The following PLA2G5 variants were observed in gnomAD, a reference collection of about 807,000 sequenced individuals.
The protein encoded by PLA2G5 is phospholipase A2 group V.
In PLA2G5, 12 loss-of-function variants were observed where a neutral mutation model predicts 15.9. The ratio of observed to expected loss-of-function variants is 0.76; its 90% CI spans 0.48 to 1.23. PLA2G5 has a LOEUF of 1.23. PLA2G5 is among the 50% of genes most tolerant of loss of function. The probability of loss-of-function intolerance (pLI) is 0.00; values close to 1 mark genes in which losing one functional copy is unlikely to be tolerated. For missense variants in PLA2G5, 169 were observed against 177.1 expected, an observed-to-expected ratio of 0.95 and a Z score of 0.26; for synonymous variants, 71 against 71.4, an observed-to-expected ratio of 0.99 and a Z score of 0.03.
intron 1 of PLA2G5, among the ~76,000 whole-genome samples, chr1:20,052,409 C>T (rs2014221088): frequency 1.3e-5 from 2 of 152,166 alleles, no homozygotes; most frequent in Admixed American, 1.3e-4. Context: ...ACAATTCAAA[C>T]TTCAGAAGAA....
intron 1 of PLA2G5, among the ~76,000 whole-genome samples, chr1:20,032,392 C>T (rs1211100626): frequency 6.6e-6 from 1 of 151,606 alleles, no homozygotes; most frequent in African/African-American, 2.4e-5. Context: ...AGTTTCTGTC[C>T]ATCCAGAGAA....
At position 20,043,903 on chromosome 1, in the gene PLA2G5, C is replaced by T. The variant is rs148829975; in HGVS notation, n.276+15194C>T. Reference sequence around the variant, plus strand: ...TGAGAGTTACCTGAAGCTAGGCATGCGTGATGGTCCAGGGGGCTTTCGAGG... The same window carrying T: ...TGAGAGTTACCTGAAGCTAGGCATGTGTGATGGTCCAGGGGGCTTTCGAGG... On this transcript the variant is annotated intron_variant and non_coding_transcript_variant, in intron 1 of 6. Coordinates refer to the PLA2G5 transcript ENST00000460175. Among the ~76,000 whole-genome samples, 17 of 152,234 alleles carry T rather than the reference C, an allele frequency of 1.1e-4. No homozygotes were observed. The East Asian group carries it at 1.2e-3, about 10-fold the overall frequency.
chr1:20,052,841 C>T (rs942860231), intron 1 of PLA2G5, among the ~76,000 whole-genome samples: 2 of 152,176 alleles, frequency 1.3e-5, no homozygotes, highest in Non-Finnish European at 2.9e-5. Context: ...CCCCTGCCCA[C>T]TAAGATAAAT....
chr1:20,056,680 T>A (rs1048057615), intron 1 of PLA2G5, among the ~76,000 whole-genome samples: 3 of 152,176 alleles, frequency 2.0e-5, no homozygotes, highest in Non-Finnish European at 4.4e-5. Context: ...AATTTTCCTT[T>A]CTTATAATAT....
chr1:20,060,183 T>G (rs1331816127), intron 2 of PLA2G5, among the ~76,000 whole-genome samples: 2 of 151,410 alleles, frequency 1.3e-5, no homozygotes, highest in Non-Finnish European at 2.9e-5. Flanking sequence ...CTTTTGGAGG[T>G]AGAACACTGT....
chr1:20,041,870 G>C (rs2013621170), intron 1 of PLA2G5, among the ~76,000 whole-genome samples: 1 of 152,184 alleles, frequency 6.6e-6, no homozygotes, highest in South Asian at 2.1e-4. Flanking sequence ...AACGCTAGGT[G>C]CTTCTTTAGC....
intron 1 of PLA2G5, among the ~76,000 whole-genome samples, chr1:20,081,913 G>T (rs186616196): frequency 6.6e-6 from 1 of 151,810 alleles, no homozygotes; most frequent in Non-Finnish European, 1.5e-5. Context: ...TTAGCCAGGC[G>T]TGGTGGCAGG....
intron 2 of PLA2G5, among the ~76,000 whole-genome samples, chr1:20,085,810 T>C (rs1306639084): frequency 6.6e-6 from 1 of 152,166 alleles, no homozygotes; most frequent in African/African-American, 2.4e-5. Flanking sequence ...TTCCAGGGGA[T>C]GAAACTGAGG....
At chr1:20,036,624 C>G (rs2013260816) in intron 1 of PLA2G5, among the ~76,000 whole-genome samples, 1 of 151,948 alleles carries the variant, frequency 6.6e-6, no homozygotes, top group Admixed American at 6.6e-5. Context: ...TTCTATTTCT[C>G]TAGAGACTTC....
intron 1 of PLA2G5, among the ~76,000 whole-genome samples, chr1:20,076,549 CTG>C (rs1410996345): frequency 6.6e-6 from 1 of 151,656 alleles, no homozygotes; most frequent in Admixed American, 6.6e-5. Flanking sequence ...CTTTTACTAA[CTG>C]TGTGACCTTG....
intron 1 of PLA2G5, among the ~76,000 whole-genome samples, chr1:20,030,701 G>A (rs1210098393): frequency 2.0e-5 from 3 of 152,040 alleles, no homozygotes; most frequent in Non-Finnish European, 4.4e-5. Flanking sequence ...GGCTTTCTTG[G>A]GCAGAGGTCC....
At chr1:20,046,887 T>G (rs1362344120) in intron 1 of PLA2G5, among the ~76,000 whole-genome samples, 2 of 152,194 alleles carry the variant, frequency 1.3e-5, no homozygotes, top group Non-Finnish European at 2.9e-5. Flanking sequence ...TTCTAAAGGG[T>G]CTTCTCTATT....
At chr1:20,066,646 A>G (rs1410758532), upstream of PLA2G5, among the ~76,000 whole-genome samples, 1 of 152,148 alleles carries the variant, frequency 6.6e-6, no homozygotes, top group African/African-American at 2.4e-5. Flanking sequence ...AACTTTTTTT[A>G]TGTACCAGAG....
chr1:20,088,148 G>A (rs914081810), intron 3 of PLA2G5, among the ~76,000 whole-genome samples: 5 of 150,052 alleles, frequency 3.3e-5, no homozygotes, highest in African/African-American at 1.3e-4. Flanking sequence ...ACCTGAGGTC[G>A]GGAGTTTGAG....
chr1:20,042,084 A>G (rs552265509), intron 1 of PLA2G5, among the ~76,000 whole-genome samples: 14 of 152,258 alleles, frequency 9.2e-5, no homozygotes, highest in Admixed American at 9.2e-4. Context: ...AGGATATAGG[A>G]GGCATATTTA....
chr1:20,040,291 T>C (rs918326747), intron 1 of PLA2G5, among the ~76,000 whole-genome samples: 2 of 152,202 alleles, frequency 1.3e-5, no homozygotes, highest in Non-Finnish European at 2.9e-5. Context: ...TTGTTCAAGA[T>C]GATGCAAAGG....
intron 1 of PLA2G5, among the ~76,000 whole-genome samples, chr1:20,032,620 AAG>A (rs2013021231): frequency 6.6e-6 from 1 of 151,936 alleles, no homozygotes; most frequent in African/African-American, 2.4e-5. Flanking sequence ...GAATGTGTAT[AAG>A]AGTTGGCATA....
At chr1:20,076,112 G>A (rs11573216) in intron 1 of PLA2G5, among the ~76,000 whole-genome samples, 51,228 of 151,866 alleles carry the variant, frequency 0.34, 9,588 homozygotes, top group Middle Eastern at 0.44. Flanking sequence ...ACCTCAATTC[G>A]GGCCTGCCTC....
At chr1:20,052,007 G>A (rs2100410352) in intron 1 of PLA2G5, among the ~76,000 whole-genome samples, 1 of 152,094 alleles carries the variant, frequency 6.6e-6, no homozygotes, top group Non-Finnish European at 1.5e-5. Flanking sequence ...CAATTTAAAA[G>A]CCTATGTAAA....
Sources: gnomAD v4.1 joint callset for allele counts (sites outside exome capture counted in the v4.1 genomes callset) on GRCh38, gnomAD v4.1.1 for gene constraint, MANE v1.5 for transcripts, NCBI Gene and HGNC (gene_info 2026-07-23, HGNC 2026-07-21) for gene names.